Variants in CAP2 observed in about 807,000 individuals in gnomAD.
CAP2 encodes the protein cyclase associated actin cytoskeleton regulatory protein 2.
Under a neutral mutation model 57.7 loss-of-function variants are expected in CAP2, and 24 were observed. The observed-to-expected ratio is 0.42, with a 90% CI of 0.30 to 0.58. The LOEUF (loss-of-function observed/expected upper bound fraction) is 0.58, where lower values mean the gene tolerates loss of function less well. CAP2 is among the 20% of genes least tolerant of loss of function. The pLI is 0.22. For synonymous variants in CAP2, 194 were observed against 207.2 expected (o/e 0.94, Z 0.55); for missense variants, 501 against 590.3 (o/e 0.85, Z 1.57).
chr6:17,427,506 T>G (rs1346689862), intron 3 of CAP2, among the ~76,000 whole-genome samples: 1 of 151,862 alleles, frequency 6.6e-6, no homozygotes, highest in Non-Finnish European at 1.5e-5. Flanking sequence ...GAACAGGAAT[T>G]AACAAGTACT....
chr6:17,435,586 T>A (rs1581515731), intron 3 of CAP2, among the ~76,000 whole-genome samples: 3 of 124,196 alleles, frequency 2.4e-5, no homozygotes, highest in African/African-American at 3.1e-5. Context: ...ATGCTAGATG[T>A]CACATTAGTG....
At chr6:17,542,324 TAA>T (rs1372715851) in intron 9 of CAP2, among the ~76,000 whole-genome samples, 1 of 152,076 alleles carries the variant, frequency 6.6e-6, no homozygotes, top group African/African-American at 2.4e-5. Context: ...CTGCCCGGGC[TAA>T]GTGTGTGAGC....
chr6:17,531,245 C>T lies in CAP2; in HGVS notation c.637-8024C>T. 3 of 791,948 alleles carry T rather than the reference C, an allele frequency of 3.8e-6. No homozygotes were observed. The Admixed American group carries it at 5.1e-5, about 13-fold the overall frequency. 49.1% of individuals were successfully genotyped at this position (791,948 alleles called of 1,614,324 possible). A position where few individuals can be genotyped will look rare whatever the true frequency, so the allele number is the denominator to read the frequency against. On this transcript the variant is annotated intron_variant, in intron 7 of 12. Transcript: ENST00000229922. ...CAGTGTATGGCTCTACAATCCTCAGCATGTTAACTGAAGCCTTGTTGAGCT... is the reference window on the plus strand; with the variant it reads ...CAGTGTATGGCTCTACAATCCTCAGTATGTTAACTGAAGCCTTGTTGAGCT...
chr6:17,399,887 A>G (rs1030258636), intron 1 of CAP2, among the ~76,000 whole-genome samples: 3 of 152,188 alleles, frequency 2.0e-5, no homozygotes, highest in African/African-American at 2.4e-5. Flanking sequence ...CTGAAGAGGA[A>G]GATGGTTCCT....
In CAP2 at chr6:17,531,281, T is replaced by C. The variant is rs1413924689; in HGVS notation, c.637-7988T>C. On this transcript the variant is annotated intron_variant, in intron 7 of 12. Coordinates refer to ENST00000229922, the MANE Select transcript of CAP2 (RefSeq NM_006366.3). ...AAGCCTTGTTGAGCTTCACAAAGGT[T>C]CTGTTGAAGATTTGACGAAGGGAAG... 4 of 866,310 alleles carry C rather than the reference T, an allele frequency of 4.6e-6. No individual in the cohort carries two copies. The African/African-American group carries it at 6.6e-5, about 14-fold the overall frequency. The allele number at this position is 866,310 out of a possible 1,614,324, so 53.7% of individuals were successfully genotyped here.
At chr6:17,430,203 G>A (rs1759691295) in intron 3 of CAP2, among the ~76,000 whole-genome samples, 2 of 152,122 alleles carry the variant, frequency 1.3e-5, no homozygotes, top group Non-Finnish European at 2.9e-5. Context: ...CCACAAAAAA[G>A]GGGATCTAAT....
At chr6:17,487,823 G>A (rs1179472331) in intron 4 of CAP2, among the ~76,000 whole-genome samples, 5 of 151,812 alleles carry the variant, frequency 3.3e-5, no homozygotes, top group Admixed American at 3.3e-4. Context: ...CTGTTACCTA[G>A]GCCGGAGTGC....
intron 3 of CAP2, among the ~76,000 whole-genome samples, chr6:17,456,514 T>A (rs931360595): frequency 6.6e-6 from 1 of 152,192 alleles, no homozygotes; most frequent in Non-Finnish European, 1.5e-5. Context: ...GGACTTTTCC[T>A]TTAGGGTAGA....
At chr6:17,456,028 T>A (rs1036830524) in intron 3 of CAP2, among the ~76,000 whole-genome samples, 8 of 152,188 alleles carry the variant, frequency 5.3e-5, no homozygotes, top group African/African-American at 1.9e-4. Flanking sequence ...CATCTGCTAA[T>A]GAAAATGGAA....
At chr6:17,399,387 A>G (rs1758753063) in intron 1 of CAP2, among the ~76,000 whole-genome samples, 1 of 152,088 alleles carries the variant, frequency 6.6e-6, no homozygotes, top group Non-Finnish European at 1.5e-5. Context: ...TATCCAGGGG[A>G]ATTCCATCTT....
intron 2 of CAP2, among the ~76,000 whole-genome samples, chr6:17,424,085 T>A (rs979921743): frequency 6.6e-6 from 1 of 152,216 alleles, no homozygotes; most frequent in Non-Finnish European, 1.5e-5. Context: ...ATTTTTTTTT[T>A]AATTTTAAAA....
rs569898653 is a variant in CAP2, at chr6:17,451,702, G to A, written c.223-11294G>A. 1.5e-4 allele frequency among the ~76,000 whole-genome samples: 23 copies of A among 152,112 alleles called. No individual in the cohort carries two copies. The South Asian group carries it at 2.1e-3, about 14-fold the overall frequency. On this transcript the variant is annotated intron_variant, in intron 3 of 12. Transcript: ENST00000229922. ...TTTTTGTATTTTTAGTAGAGACGGGGTTTCTCCATATTGACCAGGCTGCTC... is the reference window on the plus strand; with the variant it reads ...TTTTTGTATTTTTAGTAGAGACGGGATTTCTCCATATTGACCAGGCTGCTC...
chr6:17,505,033 G>A (rs551422129), intron 4 of CAP2, among the ~76,000 whole-genome samples: 1 of 152,152 alleles, frequency 6.6e-6, no homozygotes, highest in East Asian at 1.9e-4. Context: ...TTTACCTCTG[G>A]TATGAGTTAA....
At chr6:17,466,186 AATT>A (rs1485647436) in intron 4 of CAP2, among the ~76,000 whole-genome samples, 1 of 152,216 alleles carries the variant, frequency 6.6e-6, no homozygotes, top group African/African-American at 2.4e-5. Flanking sequence ...TCATAGGAAC[AATT>A]ATTATAACCA....
intron 7 of CAP2, chr6:17,530,956 C>A: frequency 1.4e-5 from 22 of 1,548,436 alleles, no homozygotes; most frequent in Non-Finnish European, 1.9e-5. Flanking sequence ...TCTCCACCTT[C>A]TACAAAATGG....
chr6:17,500,340 A>AATATATATATATATAT (rs4052821), intron 4 of CAP2, among the ~76,000 whole-genome samples: 495 of 32,984 alleles, frequency 0.015, 56 homozygotes, highest in Middle Eastern at 0.024. Flanking sequence ...TGTGTGTCCA[A>AATATATATATATATAT]ATATATATAT....
intron 3 of CAP2, among the ~76,000 whole-genome samples, chr6:17,443,395 T>C (rs560487355): frequency 2.5e-4 from 38 of 152,346 alleles, no homozygotes; most frequent in African/African-American, 7.7e-4. Flanking sequence ...TTTCTAAAAC[T>C]GTGCCCATAA....
Position 17,513,775 on chromosome 6 carries a change from G to A in CAP2, c.531-74G>A, listed in dbSNP as rs1762209343. 1.0e-6 allele frequency: 1 copy of A among 981,560 alleles called. No individual in the cohort carries two copies. Among genetic ancestry groups the A allele is most frequent in the Non-Finnish European group, 1.6e-6 (1 of 617,744 alleles). 60.8% of individuals were successfully genotyped at this position (981,560 alleles called of 1,614,324 possible). On this transcript the variant is annotated intron_variant, in intron 6 of 12. Coordinates refer to ENST00000229922, the MANE Select transcript of CAP2 (RefSeq NM_006366.3). The surrounding 1 kb of genome is among the most constrained non-coding windows in gnomAD (Gnocchi z 4.3). ...GGGCCCCTAGTCACTAGATAACCATGTGCCCCCACAATTTTTTTAAAATTT... is the reference window on the plus strand; with the variant it reads ...GGGCCCCTAGTCACTAGATAACCATATGCCCCCACAATTTTTTTAAAATTT...
At chr6:17,444,884 C>T (rs1248633391) in intron 3 of CAP2, among the ~76,000 whole-genome samples, 1 of 150,336 alleles carries the variant, frequency 6.7e-6, no homozygotes, top group Middle Eastern at 3.2e-3. Context: ...ACAGTTTATC[C>T]AGTACCCGCC....
Sources: gnomAD v4.1 joint callset for allele counts (sites outside exome capture counted in the v4.1 genomes callset) on GRCh38, gnomAD v4.1.1 for gene constraint, Gnocchi (gnomAD v3.1) non-coding constraint, MANE v1.5 for transcripts, NCBI Gene and HGNC (gene_info 2026-07-23, HGNC 2026-07-21) for gene names.